ZNF536: variants seen among roughly 807,000 people sequenced by gnomAD.
The protein encoded by ZNF536 is zinc finger protein 536.
In ZNF536, 13 loss-of-function variants were observed where a neutral mutation model predicts 84.5. That is an observed-to-expected ratio of 0.15 (90% CI 0.10 to 0.24). The LOEUF (loss-of-function observed/expected upper bound fraction) is 0.24. Ranked by LOEUF, ZNF536 falls within the 10% of genes least tolerant of loss-of-function variation. The pLI is 1.00. For missense variants in ZNF536, 1,536 were observed against 1,747.5 expected (o/e 0.88, Z 2.16); for synonymous variants, 811 against 742.5 (o/e 1.09, Z -1.50).
intron 1 of ZNF536, among the ~76,000 whole-genome samples, chr19:30,418,103 AT>A (rs769463321): frequency 0.069 from 9,992 of 144,946 alleles, 904 homozygotes; most frequent in African/African-American, 0.21. Context: ...ATTGCCAAGC[AT>A]TTTTTTTTTT....
chr19:30,365,557 G>A (rs1424962139), intron 3 of ZNF536, among the ~76,000 whole-genome samples: 1 of 152,182 alleles, frequency 6.6e-6, no homozygotes, highest in African/African-American at 2.4e-5. Context: ...ATGAATGCAG[G>A]CAAGGGCCAC....
intron 1 of ZNF536, among the ~76,000 whole-genome samples, chr19:30,380,066 G>A (rs545679466): frequency 2.0e-5 from 3 of 152,296 alleles, no homozygotes; most frequent in East Asian, 1.9e-4. Context: ...GCCACTCTTC[G>A]TGTTTCCTGC....
At chr19:30,696,639 T>C (rs1260086676) in intron 1 of ZNF536, among the ~76,000 whole-genome samples, 1 of 152,060 alleles carries the variant, frequency 6.6e-6, no homozygotes, top group African/African-American at 2.4e-5. Flanking sequence ...ATAAACAGGA[T>C]ATAAGGCAAA....
At chr19:30,425,234 A>T (rs1283647634) in intron 1 of ZNF536, among the ~76,000 whole-genome samples, 2 of 150,614 alleles carry the variant, frequency 1.3e-5, no homozygotes, top group South Asian at 4.2e-4. Flanking sequence ...CCCCAAAAAC[A>T]TGTTGGAAAA....
chr19:30,397,791 C>T (rs930348803), intron 1 of ZNF536, among the ~76,000 whole-genome samples: 2 of 152,112 alleles, frequency 1.3e-5, no homozygotes, highest in African/African-American at 4.8e-5. Flanking sequence ...TGAAAAGACC[C>T]TCATCCCTAC....
chr19:30,562,105 GT>G (rs1164690517), downstream of ZNF536, among the ~76,000 whole-genome samples: 6 of 152,182 alleles, frequency 3.9e-5, no homozygotes, highest in Non-Finnish European at 8.8e-5. Flanking sequence ...GATAACTCAC[GT>G]GTCCTCTTTG....
chr19:30,410,601 C>A (rs548729319), intron 1 of ZNF536, among the ~76,000 whole-genome samples: 37 of 151,676 alleles, frequency 2.4e-4, no homozygotes, highest in African/African-American at 9.0e-4. Flanking sequence ...CAGCCTCCCG[C>A]GTAGCTGGGA....
chr19:30,464,004 G>T (rs1356913940), intron 2 of ZNF536, among the ~76,000 whole-genome samples: 2 of 152,214 alleles, frequency 1.3e-5, no homozygotes, highest in African/African-American at 2.4e-5. Context: ...AGGAGTAGCT[G>T]TTTTCTCTCT....
intron 1 of ZNF536, among the ~76,000 whole-genome samples, chr19:30,619,184 G>T (rs1291926757): frequency 6.6e-6 from 1 of 151,576 alleles, no homozygotes; most frequent in African/African-American, 2.4e-5. Context: ...GTTGAATTCT[G>T]TTTGTCTTGC....
intron 2 of ZNF536, among the ~76,000 whole-genome samples, chr19:30,498,120 CATAAAGATACATGT>C (rs1208743940): frequency 1.3e-5 from 2 of 152,132 alleles, no homozygotes; most frequent in Non-Finnish European, 2.9e-5. Context: ...ATCATTCTAT[CATAAAGATACATGT>C]ATGTGTATGT....
At chr19:30,630,523 A>G (rs2048850779) in intron 1 of ZNF536, among the ~76,000 whole-genome samples, 1 of 152,042 alleles carries the variant, frequency 6.6e-6, no homozygotes, top group African/African-American at 2.4e-5. Flanking sequence ...GAGAAAGGAG[A>G]CCCCGGGCAG....
chr19:30,293,864 G>A (rs554039989), intron 2 of ZNF536, among the ~76,000 whole-genome samples: 103 of 152,290 alleles, frequency 6.8e-4, no homozygotes, highest in Non-Finnish European at 1.1e-3. Context: ...GGTGAGGGTG[G>A]CAGTTGCTTT....
intron 2 of ZNF536, among the ~76,000 whole-genome samples, chr19:30,487,333 A>T (rs1206008479): frequency 1.3e-5 from 2 of 152,224 alleles, no homozygotes; most frequent in Non-Finnish European, 2.9e-5. Context: ...CTTGATGGAC[A>T]TGATGCAGCC....
At chr19:30,410,525 A>C (rs1438517934) in intron 1 of ZNF536, among the ~76,000 whole-genome samples, 1 of 129,084 alleles carries the variant, frequency 7.7e-6, no homozygotes, top group Admixed American at 9.4e-5. Context: ...CCCAGGCTGG[A>C]GTGCAGTGGC....
At chr19:30,514,418 T>C (rs2055547350) in intron 2 of ZNF536, among the ~76,000 whole-genome samples, 1 of 152,062 alleles carries the variant, frequency 6.6e-6, no homozygotes, top group Admixed American at 6.5e-5. Context: ...TGGTGGTGTC[T>C]GGAAGCCAGA....
rs566871184 is a variant in ZNF536, at chr19:30,469,810, A to G, written c.2170+24078A>G. Among the ~76,000 whole-genome samples, 214 of 152,124 alleles carry G rather than the reference A, an allele frequency of 1.4e-3. 2 individuals carry two copies. Among genetic ancestry groups the G allele is most frequent in the African/African-American group, 4.9e-3 (205 of 41,508 alleles). Reference sequence around the variant, plus strand: ...AGCCAGCCAGGGATGCCAGAGGTGGATGGTGCCTGTCCTGGAATCTCGGTG... The same window carrying G: ...AGCCAGCCAGGGATGCCAGAGGTGGGTGGTGCCTGTCCTGGAATCTCGGTG... On this transcript the variant is annotated intron_variant, in intron 2 of 4. Coordinates refer to ENST00000355537, the MANE Select transcript of ZNF536 (RefSeq NM_014717.3).
intron 2 of ZNF536, among the ~76,000 whole-genome samples, chr19:30,337,960 G>A (rs1022144888): frequency 2.6e-5 from 4 of 151,838 alleles, no homozygotes; most frequent in African/African-American, 9.7e-5. Context: ...TGGTGATCGT[G>A]ATGGTGATGA....
At chr19:30,696,893 A>C (rs546658465) in intron 1 of ZNF536, among the ~76,000 whole-genome samples, 1 of 152,308 alleles carries the variant, frequency 6.6e-6, no homozygotes, top group East Asian at 1.9e-4. Flanking sequence ...AGCAAGACAC[A>C]GTGCAGGTTG....
chr19:30,650,052 A>G (rs899754924), intron 1 of ZNF536, among the ~76,000 whole-genome samples: 1 of 152,214 alleles, frequency 6.6e-6, no homozygotes, highest in African/African-American at 2.4e-5. Flanking sequence ...TAACTAGTCA[A>G]ATTAGGAGCT....
Sources: gnomAD v4.1 joint callset for allele counts (sites outside exome capture counted in the v4.1 genomes callset) on GRCh38, gnomAD v4.1.1 for gene constraint, MANE v1.5 for transcripts, NCBI Gene and HGNC (gene_info 2026-07-23, HGNC 2026-07-21) for gene names.